EIF3H: variants seen among roughly 807,000 people sequenced by gnomAD.
EIF3H encodes eIF-3-gamma.
A neutral mutation model predicts 44.2 loss-of-function variants in EIF3H; 26 were observed. That is an observed-to-expected ratio of 0.59 (90% confidence interval 0.43 to 0.82). EIF3H has a LOEUF of 0.82. Ranked by LOEUF, EIF3H falls within the 40% of genes least tolerant of loss-of-function variation. The pLI is 0.00. For missense variants in EIF3H, 359 were observed against 432.8 expected, an observed-to-expected ratio of 0.83 and a Z score of 1.51; for synonymous variants, 166 against 151.9, an observed-to-expected ratio of 1.09 and a Z score of -0.68.
At chr8:116,755,827 CG>C (rs1329849902), upstream of EIF3H, 81 of 1,609,290 alleles carry the variant, frequency 5.0e-5, no homozygotes, top group Non-Finnish European at 6.3e-5. Flanking sequence ...GAAAGAGAAA[CG>C]TGAGTTACCG....
intron 2 of EIF3H, among the ~76,000 whole-genome samples, chr8:116,690,085 G>A (rs886184056): frequency 6.6e-6 from 1 of 151,988 alleles, no homozygotes; most frequent in African/African-American, 2.4e-5. Flanking sequence ...TTTTTTCAGA[G>A]GATACCACGT....
chr8:116,709,472 A>G (rs1378873882), intron 2 of EIF3H, among the ~76,000 whole-genome samples: 1 of 152,228 alleles, frequency 6.6e-6, no homozygotes, highest in Admixed American at 6.5e-5. Context: ...CACATGTTTT[A>G]TCAAAAAGGT....
At chr8:116,736,478 G>T (rs986224407) in intron 1 of EIF3H, among the ~76,000 whole-genome samples, 1 of 152,122 alleles carries the variant, frequency 6.6e-6, no homozygotes, top group Non-Finnish European at 1.5e-5. Flanking sequence ...TGACTAACAC[G>T]GTGAAACCCC....
At chr8:116,749,900 C>G (rs1815298312) in intron 1 of EIF3H, among the ~76,000 whole-genome samples, 1 of 152,256 alleles carries the variant, frequency 6.6e-6, no homozygotes, top group Non-Finnish European at 1.5e-5. Context: ...TGAAACAGGT[C>G]TAAAGGTAGG....
intron 2 of EIF3H, among the ~76,000 whole-genome samples, chr8:116,676,613 T>C (rs1328803701): frequency 1.3e-5 from 2 of 152,218 alleles, no homozygotes; most frequent in Non-Finnish European, 2.9e-5. Context: ...AGATGAGATC[T>C]GGATGGGGTC....
chr8:116,656,400 T>C (rs1485004686), intron 4 of EIF3H, among the ~76,000 whole-genome samples: 2 of 152,210 alleles, frequency 1.3e-5, no homozygotes, highest in African/African-American at 4.8e-5. Flanking sequence ...AAAGTTCATT[T>C]AAAAAGCCTC....
upstream of EIF3H, among the ~76,000 whole-genome samples, chr8:116,757,969 G>A (rs955481976): frequency 6.6e-6 from 1 of 152,138 alleles, no homozygotes; most frequent in African/African-American, 2.4e-5. Context: ...TGATCCGCCC[G>A]CCTCAGCTTC....
chr8:116,697,133 A>G, intron 2 of EIF3H: 1 of 456,268 alleles, frequency 2.2e-6, no homozygotes, highest in African/African-American at 2.0e-5. Flanking sequence ...CTTAGTGTCC[A>G]ACCAAATTCT....
In EIF3H at chr8:116,728,703, T is replaced by C. The variant is rs142072830; in HGVS notation, c.133-2531A>G. Among the ~76,000 whole-genome samples the C allele has an allele frequency of 1.4e-3, 213 of 152,208 alleles. 1 individual carries two copies. Among genetic ancestry groups the C allele is most frequent in the Middle Eastern group, 6.8e-3 (2 of 294 alleles). On this transcript the variant is annotated intron_variant, in intron 1 of 7. Transcript: ENST00000521861. ...TACACATTCCTGTATGAAAGACCTC[T>C]CCACTTCTTGAAAGGCACAAAAATG...
intron 2 of EIF3H, among the ~76,000 whole-genome samples, chr8:116,681,044 T>C (rs1314357257): frequency 1.3e-5 from 2 of 151,010 alleles, no homozygotes; most frequent in Admixed American, 6.6e-5. Flanking sequence ...AATACAAAAA[T>C]GTACTTAATC....
At chr8:116,708,113 T>C (rs1046822274) in intron 2 of EIF3H, among the ~76,000 whole-genome samples, 5 of 152,140 alleles carry the variant, frequency 3.3e-5, no homozygotes, top group African/African-American at 1.2e-4. Flanking sequence ...ACAAAAAGGC[T>C]GTTGATTGTC....
chr8:116,679,166 T>G (rs1310850385), intron 2 of EIF3H, among the ~76,000 whole-genome samples: 3 of 36,690 alleles, frequency 8.2e-5, no homozygotes, highest in Admixed American at 4.1e-4. Flanking sequence ...GGGAGGGAGG[T>G]GGTGGGGGTC....
In EIF3H at chr8:116,664,743, A is replaced by G. The variant is rs561687902; in HGVS notation, c.290-5763T>C. The stretch of plus-strand genomic sequence containing the variant: ...GCAGATGTGTTATTAGGGAACTCTT[A>G]ATTAACAAAGTCATTTAAATTCTAA... On this transcript the variant is annotated intron_variant, in intron 2 of 7. Transcript: ENST00000521861. 3.3e-5 allele frequency among the ~76,000 whole-genome samples: 5 copies of G among 150,622 alleles called. No individual in the cohort carries two copies. In the South Asian group the frequency reaches 1.1e-3, roughly 32 times the overall value.
intron 2 of EIF3H, among the ~76,000 whole-genome samples, chr8:116,687,435 C>T (rs1363684374): frequency 6.6e-6 from 1 of 152,126 alleles, no homozygotes; most frequent in African/African-American, 2.4e-5. Flanking sequence ...AAAAGAAAAG[C>T]AAATCACAAA....
At chr8:116,647,633 C>T (rs1475252129) in intron 6 of EIF3H, among the ~76,000 whole-genome samples, 1 of 152,316 alleles carries the variant, frequency 6.6e-6, no homozygotes, top group East Asian at 1.9e-4. Flanking sequence ...ATCCCATACA[C>T]AACCTTAAAA....
chr8:116,712,880 CT>C (rs1814598138), intron 2 of EIF3H, among the ~76,000 whole-genome samples: 1 of 151,948 alleles, frequency 6.6e-6, no homozygotes, highest in South Asian at 2.1e-4. Context: ...GTAAAACATA[CT>C]TTAGGTAATA....
chr8:116,757,744 CAG>C (rs1187649202), upstream of EIF3H, among the ~76,000 whole-genome samples: 2 of 146,212 alleles, frequency 1.4e-5, no homozygotes, highest in African/African-American at 5.1e-5. Context: ...TTTTTTGAGA[CAG>C]AGTCTCCCTG....
intron 2 of EIF3H, among the ~76,000 whole-genome samples, chr8:116,698,982 A>G (rs1034729521): frequency 6.6e-6 from 1 of 152,114 alleles, no homozygotes; most frequent in African/African-American, 2.4e-5. Context: ...CCCCGTCTCT[A>G]CAAAAAAAAT....
intron 2 of EIF3H, among the ~76,000 whole-genome samples, chr8:116,691,917 G>A (rs946603987): frequency 6.7e-6 from 1 of 149,668 alleles, no homozygotes. Context: ...TTTCTATTTT[G>A]AATGTTAAGG....
Sources: gnomAD v4.1 joint callset for allele counts (sites outside exome capture counted in the v4.1 genomes callset) on GRCh38, gnomAD v4.1.1 for gene constraint, MANE v1.5 for transcripts, NCBI Gene and HGNC (gene_info 2026-07-23, HGNC 2026-07-21) for gene names.